The following PDE4DIP variants were observed in gnomAD, a reference collection of about 807,000 sequenced individuals.
The protein encoded by PDE4DIP is myomegalin.
PDE4DIP carries 59 observed loss-of-function variants against 221.4 expected under a neutral mutation model. The observed-to-expected ratio is 0.27, with a 90% CI of 0.22 to 0.33. The LOEUF is 0.33. Ranked by LOEUF, PDE4DIP falls within the 10% of genes least tolerant of loss-of-function variation. PDE4DIP has a pLI of 1.00. For missense variants in PDE4DIP, 1,036 were observed against 2,154.2 expected, an observed-to-expected ratio of 0.48 and a Z score of 10.28; for synonymous variants, 404 against 815.9, an observed-to-expected ratio of 0.50 and a Z score of 8.60.
exon 30 of PDE4DIP, chr1:149,009,709 T>A: frequency 6.2e-7 from 1 of 1,614,086 alleles, no homozygotes. Flanking sequence ...TCCTGTCTGA[T>A]GAACTGGAAG....
intron 32 of PDE4DIP, among the ~76,000 whole-genome samples, chr1:149,015,060 T>C (rs1175128580): frequency 2.0e-5 from 3 of 152,096 alleles, no homozygotes; most frequent in African/African-American, 7.2e-5. Flanking sequence ...TGTAGGTGCT[T>C]AAATTTTTAA....
At chr1:149,006,009 T>C (rs1350707703) in intron 27 of PDE4DIP, among the ~76,000 whole-genome samples, 1 of 152,240 alleles carries the variant, frequency 6.6e-6, no homozygotes, top group African/African-American at 2.4e-5. Flanking sequence ...GGTGCACACC[T>C]GTAATCCCAG....
chr1:148,934,096 C>G (rs1553473046), intron 4 of PDE4DIP, among the ~76,000 whole-genome samples: 1 of 147,716 alleles, frequency 6.8e-6, no homozygotes, highest in Non-Finnish European at 1.5e-5. Flanking sequence ...TTTGCTCATG[C>G]TTTTCCTTCT....
intron 1 of PDE4DIP, among the ~76,000 whole-genome samples, chr1:148,822,475 T>C (rs1553362048): frequency 6.7e-6 from 1 of 149,836 alleles, no homozygotes; most frequent in South Asian, 2.1e-4. Context: ...GGGATCTAGG[T>C]TGCCTGCTTC....
At chr1:148,980,151 A>C (rs2060845562) in intron 20 of PDE4DIP, among the ~76,000 whole-genome samples, 1 of 152,240 alleles carries the variant, frequency 6.6e-6, no homozygotes, top group African/African-American at 2.4e-5. Flanking sequence ...CACTCAATGT[A>C]TGTTCATTTC....
chr1:148,923,512 C>T (rs2045957778), intron 1 of PDE4DIP, among the ~76,000 whole-genome samples: 1 of 145,890 alleles, frequency 6.9e-6, no homozygotes, highest in Non-Finnish European at 1.5e-5. Context: ...CTTACTCTGT[C>T]GCCCAGGCTG....
At chr1:148,990,232 G>A (rs1553555770) in intron 21 of PDE4DIP, 1 of 984,736 alleles carries the variant, frequency 1.0e-6, no homozygotes, top group Non-Finnish European at 1.2e-6. Context: ...AATTCAAATT[G>A]GTAAAAGGCT....
chr1:148,990,552 T>C (rs1476358963), intron 21 of PDE4DIP, among the ~76,000 whole-genome samples: 1 of 151,782 alleles, frequency 6.6e-6, no homozygotes, highest in African/African-American at 2.4e-5. Flanking sequence ...GGCTTCTGTC[T>C]AAGAGTCCAG....
chr1:149,010,367 C>G, intron 30 of PDE4DIP, 76 bp from the exon 34 acceptor site: 2 of 1,334,038 alleles, frequency 1.5e-6, no homozygotes, highest in Non-Finnish European at 2.1e-6. Context: ...CCCTGGTACC[C>G]CTGGGTAAAC....
At chr1:149,028,562 G>A in exon 41 of PDE4DIP, 4 of 1,610,652 alleles carry the variant, frequency 2.5e-6, no homozygotes, top group Middle Eastern at 4.5e-4. Flanking sequence ...TTCCCCAGGT[G>A]CTAGGCAGCA....
At chr1:149,015,575 C>T (rs1214285315) in intron 32 of PDE4DIP, among the ~76,000 whole-genome samples, 1 of 152,112 alleles carries the variant, frequency 6.6e-6, no homozygotes, top group East Asian at 1.9e-4. Context: ...AGGGAAAGGC[C>T]TATGATTTCA....
At chr1:148,948,638 G>C (rs1347814280) in intron 5 of PDE4DIP, among the ~76,000 whole-genome samples, 1 of 151,746 alleles carries the variant, frequency 6.6e-6, no homozygotes, top group Non-Finnish European at 1.5e-5. Context: ...TTAAAATTTT[G>C]AGGGAAACAC....
chr1:148,932,851 G>C, intron 4 of PDE4DIP: 1 of 254,802 alleles, frequency 3.9e-6, no homozygotes, highest in South Asian at 5.5e-5. Context: ...GCCATTAGGA[G>C]GTGATTAAAT....
chr1:148,927,506 T>C (rs1434443018), intron 1 of PDE4DIP, among the ~76,000 whole-genome samples: 5 of 152,060 alleles, frequency 3.3e-5, no homozygotes, highest in Admixed American at 2.6e-4. Context: ...ACATGGGTTA[T>C]GAAATGCCTT....
chr1:148,919,271 T>C (rs2044857809), intron 1 of PDE4DIP, among the ~76,000 whole-genome samples: 1 of 151,330 alleles, frequency 6.6e-6, no homozygotes, highest in Non-Finnish European at 1.5e-5. Flanking sequence ...GTATTATCAT[T>C]CTTATGGGCA....
exon 32 of PDE4DIP, chr1:149,012,713 C>T: frequency 3.7e-6 from 6 of 1,613,734 alleles, no homozygotes; most frequent in Non-Finnish European, 3.4e-6. Flanking sequence ...CTGTGAGACA[C>T]CAGTGGTCTC....
At position 149,015,846 on chromosome 1, in the gene PDE4DIP, G is replaced by A. The variant is rs1165084195; in HGVS notation, c.5267-453G>A. On this transcript the variant is annotated intron_variant, in intron 32 of 43. Coordinates refer to ENST00000369354, the Ensembl canonical transcript of PDE4DIP. ...CTTCTGAAAAACTCCAACGTGGAAC[G>A]GACATATTGACTAGTTAGTTTCAGG... Among the ~76,000 whole-genome samples, 200 of 152,256 alleles carry A rather than the reference G, an allele frequency of 1.3e-3. 1 individual carries two copies. The highest frequency in any genetic ancestry group is 1.0e-3 in the Non-Finnish European group (71 of 68,018).
chr1:148,915,249 G>A (rs1553457443), intron 1 of PDE4DIP, among the ~76,000 whole-genome samples: 2 of 152,152 alleles, frequency 1.3e-5, no homozygotes, highest in Non-Finnish European at 2.9e-5. Context: ...CTGGGTTCAA[G>A]CGATCCTCCT....
chr1:148,822,490 G>C (rs57360247), intron 1 of PDE4DIP, among the ~76,000 whole-genome samples: 1 of 149,812 alleles, frequency 6.7e-6, no homozygotes, highest in Non-Finnish European at 1.5e-5. Context: ...TGCTTCTTAC[G>C]AGGATCTAAT....
Sources: allele counts gnomAD v4.1 joint callset (sites outside exome capture counted in the v4.1 genomes callset), GRCh38; gene constraint gnomAD v4.1.1; transcripts MANE v1.5; gene names NCBI Gene and HGNC (gene_info 2026-07-23, HGNC 2026-07-21).